AP4S1: variants seen among roughly 807,000 people sequenced by gnomAD.
AP4S1 encodes the protein adaptor related protein complex 4 subunit sigma 1, also known as AP-4 complex subunit sigma-1.
Under a neutral mutation model 19.8 loss-of-function variants are expected in AP4S1, and 23 were observed. The observed-to-expected ratio is 1.16, with a 90% CI of 0.84 to 1.65. AP4S1 has a LOEUF of 1.65. Among genes scored for constraint, AP4S1 ranks in the 40% most tolerant of loss-of-function variants. AP4S1 has a pLI of 0.00. For missense variants in AP4S1, 166 were observed against 172.8 expected (o/e 0.96, Z 0.22); for synonymous variants, 46 against 54.1 (o/e 0.85, Z 0.66).
intron 1 of AP4S1, among the ~76,000 whole-genome samples, chr14:31,044,730 G>C (rs1885294344): frequency 6.6e-6 from 1 of 151,874 alleles, no homozygotes; most frequent in Non-Finnish European, 1.5e-5. Context: ...CTGGCCTCAA[G>C]TGTATATGTT....
intron 1 of AP4S1, among the ~76,000 whole-genome samples, chr14:31,046,972 G>A (rs1885448075): frequency 6.6e-6 from 1 of 152,054 alleles, no homozygotes; most frequent in Non-Finnish European, 1.5e-5. Flanking sequence ...CACCAGCAAT[G>A]TATGAACATT....
At chr14:31,046,053 G>A (rs144928009) in intron 1 of AP4S1, among the ~76,000 whole-genome samples, 20 of 148,072 alleles carry the variant, frequency 1.4e-4, no homozygotes, top group African/African-American at 4.5e-4. Context: ...TGCAACCTCC[G>A]CCTCCCAGGT....
At chr14:31,038,575 C>T (rs1206611459) in intron 1 of AP4S1, among the ~76,000 whole-genome samples, 2 of 152,164 alleles carry the variant, frequency 1.3e-5, no homozygotes, top group Admixed American at 1.3e-4. Context: ...ATTAACTAGT[C>T]TTGAGGCAAA....
At chr14:31,025,301 G>A (rs1286842433), upstream of AP4S1, 2 of 155,088 alleles carry the variant, frequency 1.3e-5, no homozygotes, top group Non-Finnish European at 2.9e-5. Flanking sequence ...CATCTCAGGT[G>A]AGAAAGTACT....
chr14:31,035,171 C>T (rs916249685), intron 1 of AP4S1, among the ~76,000 whole-genome samples: 3 of 150,294 alleles, frequency 2.0e-5, no homozygotes, highest in Admixed American at 6.7e-5. Flanking sequence ...CATTATCACA[C>T]CTACAAAATT....
At chr14:31,026,353 GC>G in intron 1 of AP4S1, 1 of 452,166 alleles carries the variant, frequency 2.2e-6, no homozygotes, top group Non-Finnish European at 3.3e-6. Flanking sequence ...GCTGCCGGCT[GC>G]CGCCATTACA....
In AP4S1 at chr14:31,072,908, G is replaced by T. The variant is rs568176223; in HGVS notation, c.229G>T (p.Glu77Ter). ...TACCTTTCTTCTTTTATTGTAGAAC[G>T]AGATGGCTATTTATGAATTCATTCA... is the stretch of plus-strand genomic sequence containing the variant. ...IVVGVNDTENEMAIYEFIHNF... is the reference protein window; with the variant it reads ...IVVGVNDTEN The change falls in exon 4 of 6, where the codon GAG becomes TAG. Residue 77 changes from glutamate (E) to a stop codon, truncating the protein, a stop_gained. Transcript: ENST00000542754. LOFTEE classifies it high-confidence loss of function. 1 of 1,612,050 alleles carries T rather than the reference G, an allele frequency of 6.2e-7. No individual in the cohort carries two copies. Among genetic ancestry groups the T allele is most frequent in the South Asian group, 1.1e-5 (1 of 91,022 alleles).
intron 1 of AP4S1, among the ~76,000 whole-genome samples, chr14:31,051,361 C>G (rs756319172): frequency 1.5e-4 from 23 of 152,000 alleles, no homozygotes; most frequent in Non-Finnish European, 2.8e-4. Context: ...CTACTCAGAA[C>G]AGCGTGCAGT....
intron 4 of AP4S1, among the ~76,000 whole-genome samples, chr14:31,078,907 G>A (rs890443110): frequency 1.3e-5 from 2 of 152,142 alleles, no homozygotes; most frequent in African/African-American, 2.4e-5. Flanking sequence ...TCACAGAGAC[G>A]GCCTTGTCAT....
At chr14:31,049,428 A>AATATATATATATATAT (rs1182207910) in intron 1 of AP4S1, among the ~76,000 whole-genome samples, 7 of 57,740 alleles carry the variant, frequency 1.2e-4, no homozygotes, top group Non-Finnish European at 2.0e-4. Context: ...AAAAAAAAAA[A>AATATATATATATATAT]ATATATATAT....
chr14:31,059,614 T>G, intron 1 of AP4S1, among the ~76,000 whole-genome samples: 1 of 152,196 alleles, frequency 6.6e-6, no homozygotes, highest in Non-Finnish European at 1.5e-5. Flanking sequence ...TAACCTGCCG[T>G]AATTTACTGA....
chr14:31,083,185 G>A (rs987915912), intron 5 of AP4S1, among the ~76,000 whole-genome samples: 4 of 152,124 alleles, frequency 2.6e-5, no homozygotes, highest in African/African-American at 9.7e-5. Context: ...TGTGTGATGA[G>A]CTCCAGCATT....
chr14:31,087,744 T>A (rs1261007742), intron 5 of AP4S1, among the ~76,000 whole-genome samples: 1 of 152,166 alleles, frequency 6.6e-6, no homozygotes, highest in Non-Finnish European at 1.5e-5. Context: ...CCATGGTGCC[T>A]TGGTGTTGTC....
At chr14:31,084,684 T>C (rs1395284425) in intron 5 of AP4S1, 8 of 1,592,216 alleles carry the variant, frequency 5.0e-6, no homozygotes, top group Non-Finnish European at 6.8e-6. Context: ...TGAAGCCTGT[T>C]TCTACAGGGA....
intron 1 of AP4S1, among the ~76,000 whole-genome samples, chr14:31,057,189 G>A (rs4981818): frequency 0.78 from 118,977 of 152,122 alleles, 46,755 homozygotes; most frequent in Admixed American, 0.82. Flanking sequence ...GCAGAATTCA[G>A]GACTTCACTC....
intron 5 of AP4S1, among the ~76,000 whole-genome samples, chr14:31,089,086 G>A (rs1159625343): frequency 6.6e-6 from 1 of 151,292 alleles, no homozygotes; most frequent in African/African-American, 2.4e-5. Context: ...CTTGAGCACA[G>A]GAGGTCGAGG....
At position 31,093,102 on chromosome 14, in the gene AP4S1, T is replaced by A; in HGVS notation, c.*67T>A. The A allele has an allele frequency of 6.8e-7, 1 of 1,473,168 alleles. No homozygotes were observed. Among genetic ancestry groups the A allele is most frequent in the Non-Finnish European group, 9.0e-7 (1 of 1,105,374 alleles). The allele number at this position is 1,473,168 out of a possible 1,614,324, so 91.3% of individuals were successfully genotyped here. A position where few individuals can be genotyped will look rare whatever the true frequency, so the allele number is the denominator to read the frequency against. On this transcript the variant is annotated 3_prime_UTR_variant, in exon 6 of 6. Transcript: ENST00000542754. ...GAGTACCGTGGAATACATCTCAACA[T>A]GTTAACCCAGAAGAATCTGGAAGAC...
chr14:31,073,125 C>T, intron 4 of AP4S1, 152 bp downstream of exon 4: 2 of 700,904 alleles, frequency 2.9e-6, no homozygotes, highest in Non-Finnish European at 5.1e-6. Context: ...TTTATCTTTC[C>T]TTCTGGTTTA....
intron 5 of AP4S1, among the ~76,000 whole-genome samples, chr14:31,091,338 T>C (rs1164409367): frequency 6.6e-6 from 1 of 152,176 alleles, no homozygotes; most frequent in African/African-American, 2.4e-5. Context: ...CCACCTGTGC[T>C]TCTTAGCTCT....
Sources: gnomAD v4.1 joint callset for allele counts (sites outside exome capture counted in the v4.1 genomes callset) on GRCh38, gnomAD v4.1.1 for gene constraint, MANE v1.5 for transcripts, NCBI Gene and HGNC (gene_info 2026-07-23, HGNC 2026-07-21) for gene names.